Variants in ROBO2 observed in about 807,000 individuals in gnomAD.
ROBO2 encodes roundabout homolog 2.
In ROBO2, 53 loss-of-function variants were observed where a neutral mutation model predicts 160.8. That is an observed-to-expected ratio of 0.33 (90% CI 0.26 to 0.41). The LOEUF (loss-of-function observed/expected upper bound fraction) is 0.41, where lower values mean the gene tolerates loss of function less well. Among genes scored for constraint, ROBO2 ranks in the 10% least tolerant of loss-of-function variants. The pLI, the probability that ROBO2 is intolerant of heterozygous loss-of-function variation, is 1.00. For missense variants in ROBO2, 1,577 were observed against 1,722.4 expected, an observed-to-expected ratio of 0.92 and a Z score of 1.49; for synonymous variants, 664 against 611.7, an observed-to-expected ratio of 1.09 and a Z score of -1.26.
chr3:76,329,869 T>A (rs2073349674), intron 2 of ROBO2, among the ~76,000 whole-genome samples: 1 of 152,206 alleles, frequency 6.6e-6, no homozygotes, highest in Non-Finnish European at 1.5e-5. Context: ...CCGGGAGCAG[T>A]GATGCATTTC....
intron 2 of ROBO2, among the ~76,000 whole-genome samples, chr3:76,172,352 G>A (rs1194590164): frequency 2.0e-5 from 3 of 150,476 alleles, no homozygotes; most frequent in African/African-American, 7.4e-5. Context: ...AATGGGTGCA[G>A]CGCATCAACA....
chr3:76,197,987 C>T (rs1418566721), intron 2 of ROBO2, among the ~76,000 whole-genome samples: 8 of 152,144 alleles, frequency 5.3e-5, no homozygotes, highest in Non-Finnish European at 2.9e-5. Context: ...AAATTCCCAC[C>T]AACTCTTAAT....
rs538701137 is a variant in ROBO2 at position 75,948,953 on chromosome 3, T to C, written c.109+11351T>C. Among the ~76,000 whole-genome samples, 126 of 152,228 alleles carry C rather than the reference T, an allele frequency of 8.3e-4. 2 individuals are homozygous for C. Among genetic ancestry groups the C allele is most frequent in the South Asian group, 7.9e-3 (38 of 4,834 alleles). ...TCCATACGGTATTTATAGTGCATTT[T>C]TGTTATTGAAATGATTACTGTTTAG... On this transcript the variant is annotated intron_variant, in intron 2 of 26. Transcript: ENST00000487694.
At chr3:76,711,307 C>A (rs2093288724) in intron 2 of ROBO2, among the ~76,000 whole-genome samples, 1 of 152,130 alleles carries the variant, frequency 6.6e-6, no homozygotes. Context: ...GTGTCGCACA[C>A]TTTTAAACCA....
chr3:77,328,517 T>G (rs1403228034), intron 2 of ROBO2, among the ~76,000 whole-genome samples: 2 of 152,190 alleles, frequency 1.3e-5, no homozygotes, highest in Non-Finnish European at 2.9e-5. Context: ...CTGCCAGCAC[T>G]TCATCATTTT....
intron 12 of ROBO2, among the ~76,000 whole-genome samples, chr3:77,565,666 G>A (rs982721767): frequency 4.6e-5 from 7 of 151,984 alleles, no homozygotes; most frequent in African/African-American, 1.7e-4. Context: ...TTGTGATGCT[G>A]ATGTATAAGT....
chr3:75,951,178 C>T (rs746319576), intron 2 of ROBO2, among the ~76,000 whole-genome samples: 3 of 152,018 alleles, frequency 2.0e-5, no homozygotes, highest in Non-Finnish European at 4.4e-5. Flanking sequence ...CAAAACATCA[C>T]ATGTGACCAT....
chr3:76,456,202 A>G (rs2077742093), intron 2 of ROBO2, among the ~76,000 whole-genome samples: 1 of 152,196 alleles, frequency 6.6e-6, no homozygotes, highest in Non-Finnish European at 1.5e-5. Flanking sequence ...TTTATTCACT[A>G]TTAATCTGTT....
chr3:76,291,079 C>T (rs1203188836), intron 2 of ROBO2, among the ~76,000 whole-genome samples: 1 of 152,098 alleles, frequency 6.6e-6, no homozygotes, highest in East Asian at 1.9e-4. Context: ...GAAGAGACCC[C>T]CCTTCTCAAT....
intron 2 of ROBO2, among the ~76,000 whole-genome samples, chr3:77,212,150 G>A (rs576454498): frequency 0.01 from 1,565 of 152,142 alleles, 15 homozygotes; most frequent in Non-Finnish European, 0.014. Flanking sequence ...CATTGAATCT[G>A]TAAATTACCT....
At chr3:76,712,654 G>A (rs958004139) in intron 2 of ROBO2, among the ~76,000 whole-genome samples, 18 of 151,518 alleles carry the variant, frequency 1.2e-4, no homozygotes, top group Non-Finnish European at 1.9e-4. Context: ...CAGCCTGGGC[G>A]GCACAGTGAG....
At chr3:76,424,757 C>T (rs1293286031) in intron 2 of ROBO2, among the ~76,000 whole-genome samples, 1 of 152,168 alleles carries the variant, frequency 6.6e-6, no homozygotes, top group Non-Finnish European at 1.5e-5. Flanking sequence ...ATGATAGTTT[C>T]ATGATGTATA....
At position 76,656,327 on chromosome 3, in the gene ROBO2, A is replaced by T. The variant is rs553451269; in HGVS notation, c.110-441687A>T. Among the ~76,000 whole-genome samples, 13 of 152,268 alleles carry T rather than the reference A, an allele frequency of 8.5e-5. No individual in the cohort carries two copies. The South Asian group carries it at 2.5e-3, about 29-fold the overall frequency. ...GTTTATATTTTGTGTTCCCATCAAA[A>T]CATTATTATATCCTTCGTTCCCTGT... On this transcript the variant is annotated intron_variant, in intron 2 of 26. Transcript: ENST00000487694.
At chr3:76,420,299 G>A (rs2075940067) in intron 2 of ROBO2, among the ~76,000 whole-genome samples, 1 of 152,238 alleles carries the variant, frequency 6.6e-6, no homozygotes, top group Non-Finnish European at 1.5e-5. Context: ...ACAGTCATGA[G>A]CCACTGAACC....
At chr3:77,117,871 A>G (rs1043136474) in intron 2 of ROBO2, among the ~76,000 whole-genome samples, 5 of 152,202 alleles carry the variant, frequency 3.3e-5, no homozygotes, top group Non-Finnish European at 5.9e-5. Context: ...GAAGCTAAAA[A>G]TTATTCTTAA....
chr3:77,395,902 A>G (rs1298223267), intron 2 of ROBO2, among the ~76,000 whole-genome samples: 2 of 151,960 alleles, frequency 1.3e-5, no homozygotes, highest in Non-Finnish European at 2.9e-5. Context: ...TTGTTTTGTT[A>G]GAGAATTCAG....
At chr3:77,019,478 G>A (rs1205888579) in intron 2 of ROBO2, among the ~76,000 whole-genome samples, 1 of 152,126 alleles carries the variant, frequency 6.6e-6, no homozygotes, top group Non-Finnish European at 1.5e-5. Flanking sequence ...GCAAACCATA[G>A]CACAACTGCC....
chr3:76,450,939 C>T (rs1294484889), intron 2 of ROBO2, among the ~76,000 whole-genome samples: 1 of 152,116 alleles, frequency 6.6e-6, no homozygotes, highest in Non-Finnish European at 1.5e-5. Flanking sequence ...TAGCATCCAA[C>T]CACAAGATTT....
intron 2 of ROBO2, among the ~76,000 whole-genome samples, chr3:76,309,988 ATTT>A (rs758057289): frequency 6.9e-6 from 1 of 145,182 alleles, no homozygotes. Flanking sequence ...TGCATGGCTA[ATTT>A]TTTTTTTTTT....
Sources: allele counts gnomAD v4.1 joint callset (sites outside exome capture counted in the v4.1 genomes callset), GRCh38; gene constraint gnomAD v4.1.1; transcripts MANE v1.5; gene names NCBI Gene and HGNC (gene_info 2026-07-23, HGNC 2026-07-21).